The following SLC6A2 variants were observed in gnomAD, a reference collection of about 807,000 sequenced individuals.
SLC6A2 encodes the protein solute carrier family 6 member 2, also known as sodium-dependent noradrenaline transporter.
A neutral mutation model predicts 71.7 loss-of-function variants in SLC6A2; 26 were observed. The observed-to-expected ratio is 0.36, with a 90% CI of 0.27 to 0.50. The LOEUF is 0.50. Ranked by LOEUF, SLC6A2 falls within the 20% of genes least tolerant of loss-of-function variation. SLC6A2 has a pLI of 0.96. For synonymous variants in SLC6A2, 363 were observed against 337.9 expected (o/e 1.07, Z -0.82); for missense variants, 581 against 803.9 (o/e 0.72, Z 3.35).
intron 4 of SLC6A2, among the ~76,000 whole-genome samples, chr16:55,682,553 G>A (rs1306645871): frequency 6.6e-6 from 1 of 152,196 alleles, no homozygotes; most frequent in Admixed American, 6.5e-5. Flanking sequence ...AGGTCTAACT[G>A]CCAGTTCTGG....
chr16:55,665,862 T>C (rs1274646276), intron 2 of SLC6A2, among the ~76,000 whole-genome samples: 1 of 152,176 alleles, frequency 6.6e-6, no homozygotes, highest in Non-Finnish European at 1.5e-5. Context: ...GGAGGCAGTG[T>C]GGTTGGGCCA....
intron 5 of SLC6A2, among the ~76,000 whole-genome samples, chr16:55,689,395 G>C (rs1269976043): frequency 6.6e-6 from 1 of 152,250 alleles, no homozygotes; most frequent in Non-Finnish European, 1.5e-5. Flanking sequence ...TCTCAGCTCA[G>C]TCATGGCCTG....
At chr16:55,677,489 C>A (rs142493654) in intron 4 of SLC6A2, among the ~76,000 whole-genome samples, 83 of 152,208 alleles carry the variant, frequency 5.5e-4, no homozygotes, top group African/African-American at 2.0e-3. Flanking sequence ...CCAGCAGAGG[C>A]CCCAGCAGAG....
intron 6 of SLC6A2, among the ~76,000 whole-genome samples, chr16:55,693,788 C>T (rs955863053): frequency 6.6e-5 from 10 of 152,206 alleles, no homozygotes; most frequent in African/African-American, 9.6e-5. Context: ...AGCTCACTCA[C>T]GACTACCCAA....
At position 55,704,968 on chromosome 16, in the gene SLC6A2, GGA is replaced by G; in HGVS notation, c.*2630_*2631del. On this transcript the variant is annotated 3_prime_UTR_variant, in exon 15 of 15. Transcript: ENST00000568943. Reference sequence around the variant, plus strand: ...GTTTACCTTTCCACCCACATTTAATGGAGAGAGAGTATGGGCTTTATGTTAAG... The same window carrying G: ...GTTTACCTTTCCACCCACATTTAATGGAGAGAGTATGGGCTTTATGTTAAG... 2.8e-6 allele frequency: 1 copy of G among 363,178 alleles called. No homozygotes were observed. The highest frequency in any genetic ancestry group is 4.9e-6 in the Non-Finnish European group (1 of 203,296). 22.5% of individuals were successfully genotyped at this position (363,178 alleles called of 1,614,324 possible). A position where few individuals can be genotyped will look rare whatever the true frequency, so the allele number is the denominator to read the frequency against.
chr16:55,656,526 C>A lies in SLC6A2; in HGVS notation c.-51-118C>A. On this transcript the variant is annotated intron_variant, in intron 1 of 14. Coordinates refer to ENST00000568943, the MANE Select transcript of SLC6A2 (RefSeq NM_001172501.3). The surrounding 1 kb of genome is among the most constrained non-coding windows in gnomAD (Gnocchi z 4.5). ...GCGGACGCGCGCCCTTTTCTGGGAA[C>A]CCTGCGTCCGCTCAGCGCGCGCTCA... 1 of 812,694 alleles carries A rather than the reference C, an allele frequency of 1.2e-6. No individual in the cohort carries two copies. The highest frequency in any genetic ancestry group is 2.0e-6 in the Non-Finnish European group (1 of 497,090). 50.3% of individuals were successfully genotyped at this position (812,694 alleles called of 1,614,324 possible). A position where few individuals can be genotyped will look rare whatever the true frequency, so the allele number is the denominator to read the frequency against.
At chr16:55,687,918 C>T (rs570118956) in intron 5 of SLC6A2, among the ~76,000 whole-genome samples, 5 of 152,264 alleles carry the variant, frequency 3.3e-5, no homozygotes, top group East Asian at 1.9e-4. Context: ...TAATGAGGGG[C>T]GAACCAGAGT....
At chr16:55,689,408 G>A (rs944171127) in intron 5 of SLC6A2, among the ~76,000 whole-genome samples, 1 of 152,226 alleles carries the variant, frequency 6.6e-6, no homozygotes, top group African/African-American at 2.4e-5. Context: ...ATGGCCTGAT[G>A]TATTCCTTAG....
chr16:55,668,075 T>A (rs1285241578), intron 2 of SLC6A2, among the ~76,000 whole-genome samples: 1 of 152,100 alleles, frequency 6.6e-6, no homozygotes, highest in Non-Finnish European at 1.5e-5. Flanking sequence ...TAGTTTTACC[T>A]TTTCCCCCTT....
In SLC6A2 at chr16:55,695,920, A is replaced by C. The variant is rs1167962218; in HGVS notation, c.1148-305A>C. 3.3e-5 allele frequency among the ~76,000 whole-genome samples: 5 copies of C among 151,986 alleles called. No individual in the cohort carries two copies. In the South Asian group the frequency reaches 8.3e-4, roughly 25 times the overall value. On this transcript the variant is annotated intron_variant, in intron 8 of 14. Transcript: ENST00000568943. Reference sequence around the variant, plus strand: ...CCTGGGGAAGGGCTACCTCTAATGCACTCCGAGGACCCCAAGCTTTAGTGA... The same window carrying C: ...CCTGGGGAAGGGCTACCTCTAATGCCCTCCGAGGACCCCAAGCTTTAGTGA...
chr16:55,671,926 G>A lies in SLC6A2; in HGVS notation c.407-12G>A, dbSNP rs11568343. 13,216 of 1,613,992 alleles carry A rather than the reference G, an allele frequency of 8.2e-3. 70 individuals carry two copies. Among genetic ancestry groups the A allele is most frequent in the Non-Finnish European group, 9.5e-3 (11,266 of 1,179,946 alleles). On this transcript the variant is annotated splice_polypyrimidine_tract_variant and intron_variant, in intron 3 of 14. Coordinates refer to ENST00000568943, the MANE Select transcript of SLC6A2 (RefSeq NM_001172501.3). ...CTGGGAGACTCCTACCTTACCCCCTGTCCCTGCCCAGGCGTTGGCTATGCT... is the reference window on the plus strand; with the variant it reads ...CTGGGAGACTCCTACCTTACCCCCTATCCCTGCCCAGGCGTTGGCTATGCT...
chr16:55,689,173 C>A (rs559247048), intron 5 of SLC6A2, among the ~76,000 whole-genome samples: 1 of 152,272 alleles, frequency 6.6e-6, no homozygotes, highest in African/African-American at 2.4e-5. Flanking sequence ...CTTCTGTTTA[C>A]CCATTGTGCA....
chr16:55,656,744 C>A lies in SLC6A2; in HGVS notation c.50C>A (p.Ala17Glu). ...NPQVQPENNG[A>E]DTGPEQPLRA... ...CAGGTGCAGCCCGAGAACAACGGGG[C>A]GGACACGGGTCCAGAGCAGCCCCTT... The change falls in exon 2 of 15, where the codon GCG becomes GAG. Residue 17 changes from alanine to glutamate, a missense_variant. By Grantham distance (107) the Ala-to-Glu change is moderately radical. This residue lies in a region of SLC6A2 where 76 missense variants were observed against 79.9 expected (regional missense o/e 0.95). Transcript: ENST00000568943. The surrounding 1 kb of genome is among the most constrained non-coding windows in gnomAD (Gnocchi z 4.5). 3 of 1,613,002 alleles carry A rather than the reference C, an allele frequency of 1.9e-6. No homozygotes were observed. The highest frequency in any genetic ancestry group is 8.5e-7 in the Non-Finnish European group (1 of 1,179,902).
chr16:55,694,176 CAG>C, intron 7 of SLC6A2, 63 bp downstream of exon 7: 2 of 1,141,894 alleles, frequency 1.8e-6, no homozygotes, highest in Non-Finnish European at 2.7e-6. Context: ...TGTTGGGTGG[CAG>C]AGAGGGCTCT....
Position 55,672,044 on chromosome 16 carries a change from GC to G in SLC6A2, c.516del (p.Trp173GlyfsTer69). ...TCTTCTCCTCCTTCACCCTCAACCT[GC>G]CCTGGACCGACTGTGGCCACACCTG... ...YLFSSFTLNL[P>X]WTDCGHTWNS... On this transcript the variant is annotated frameshift_variant, in exon 4 of 15. Coordinates refer to ENST00000568943, the MANE Select transcript of SLC6A2 (RefSeq NM_001172501.3). LOFTEE classifies it high-confidence loss of function. The G allele has an allele frequency of 1.2e-6, 2 of 1,614,100 alleles. No individual in the cohort carries two copies. Among genetic ancestry groups the G allele is most frequent in the Non-Finnish European group, 1.7e-6 (2 of 1,180,028 alleles).
Position 55,691,926 on chromosome 16 carries a change from G to GATCAC in SLC6A2, c.794_798dup (p.Ala267SerfsTer38). ...ACTTATCCATTGCCCAGGTGGTGTG[G>GATCAC]ATCACAGCCACGCTGCCTTACTTCG... On this transcript the variant is annotated frameshift_variant, in exon 6 of 15. Transcript: ENST00000568943. LOFTEE classifies it high-confidence loss of function. 6.2e-7 allele frequency: 1 copy of GATCAC among 1,614,190 alleles called. No homozygotes were observed. The highest frequency in any genetic ancestry group is 8.5e-7 in the Non-Finnish European group (1 of 1,180,040).
intron 9 of SLC6A2, among the ~76,000 whole-genome samples, chr16:55,696,538 G>T (rs1965804883): frequency 6.6e-6 from 1 of 152,224 alleles, no homozygotes; most frequent in South Asian, 2.1e-4. Context: ...AAGAACCATA[G>T]GAACCCCTTT....
intron 2 of SLC6A2, among the ~76,000 whole-genome samples, chr16:55,658,604 C>A (rs923893346): frequency 6.6e-6 from 1 of 152,110 alleles, no homozygotes; most frequent in African/African-American, 2.4e-5. Flanking sequence ...GCTCTTCCAA[C>A]GAGAAAGTTA....
intron 7 of SLC6A2, 147 bp from the exon 8 acceptor site, chr16:55,695,131 C>A: frequency 1.2e-6 from 1 of 868,158 alleles, no homozygotes; most frequent in Non-Finnish European, 1.9e-6. Context: ...ATGGTGAGGC[C>A]CTGTATCCAT....
Sources: gnomAD v4.1 joint callset for allele counts (sites outside exome capture counted in the v4.1 genomes callset) on GRCh38, gnomAD v4.1.1 for gene constraint, gnomAD v4.1.1 regional missense constraint, Gnocchi (gnomAD v3.1) non-coding constraint, MANE v1.5 for transcripts, NCBI Gene and HGNC (gene_info 2026-07-23, HGNC 2026-07-21) for gene names.